TCF4: variants seen among roughly 807,000 people sequenced by gnomAD.
The protein encoded by TCF4 is SL3-3 enhancer factor 2.
A neutral mutation model predicts 82.1 loss-of-function variants in TCF4; 3 were observed. That is an observed-to-expected ratio of 0.04 (90% CI 0.02 to 0.09). TCF4 has a LOEUF of 0.09. Among genes scored for constraint, TCF4 ranks in the 10% least tolerant of loss-of-function variants. The pLI is 1.00. For synonymous variants in TCF4, 276 were observed against 309.6 expected (o/e 0.89, Z 1.14); for missense variants, 518 against 852.7 (o/e 0.61, Z 4.89).
intron 3 of TCF4, among the ~76,000 whole-genome samples, chr18:55,480,671 C>T (rs1408864018): frequency 6.6e-6 from 1 of 152,172 alleles, no homozygotes; most frequent in Non-Finnish European, 1.5e-5. Context: ...GCCCTGTTCC[C>T]GGTCTCTTTA....
rs187046043 is a variant in TCF4 at position 55,561,650 on chromosome 18, T to A, written c.145+23630A>T. ...AAATGTATTTCACATACATGACATG[T>A]TTCTCATAACAATCTTCCTCTACTT... is the stretch of plus-strand genomic sequence containing the variant. On this transcript the variant is annotated intron_variant, in intron 3 of 19. Transcript: ENST00000354452. 3.3e-5 allele frequency among the ~76,000 whole-genome samples: 5 copies of A among 152,346 alleles called. No homozygotes were observed. The East Asian group carries it at 9.6e-4, about 29-fold the overall frequency.
At chr18:55,315,622 T>C (rs1036309374) in intron 8 of TCF4, among the ~76,000 whole-genome samples, 1 of 152,076 alleles carries the variant, frequency 6.6e-6, no homozygotes, top group Admixed American at 6.6e-5. Flanking sequence ...TAAGTATTCT[T>C]CAGAAGAAAA....
chr18:55,276,898 T>C (rs1379071614), intron 9 of TCF4, among the ~76,000 whole-genome samples: 1 of 152,194 alleles, frequency 6.6e-6, no homozygotes, highest in Non-Finnish European at 1.5e-5. Flanking sequence ...AGTTAGAATT[T>C]TGTAACTGGA....
rs1018175436 is a variant in TCF4 at position 55,303,236 on chromosome 18, C to T, written c.550-23580G>A. 1.5e-3 allele frequency among the ~76,000 whole-genome samples: 224 copies of T among 148,542 alleles called. 3 individuals carry two copies. The highest frequency in any genetic ancestry group is 5.1e-3 in the African/African-American group (203 of 40,164). On this transcript the variant is annotated intron_variant, in intron 8 of 19. Coordinates refer to ENST00000354452, the MANE Select transcript of TCF4 (RefSeq NM_001083962.2). ...CTGGCTCCCAGTACGTACACACACA[C>T]ACACACACACACACACACACACACA...
At chr18:55,554,231 G>C (rs546969099) in intron 3 of TCF4, among the ~76,000 whole-genome samples, 2 of 152,078 alleles carry the variant, frequency 1.3e-5, no homozygotes, top group South Asian at 2.1e-4. Context: ...AACTATCTCA[G>C]TAAAATTTAG....
chr18:55,591,214 TTCTCA>T (rs1338915483), upstream of TCF4: 5 of 152,256 alleles, frequency 3.3e-5, no homozygotes, highest in Admixed American at 3.3e-4. Flanking sequence ...CCATTCGGTG[TTCTCA>T]TCTCAAAATA....
intron 3 of TCF4, among the ~76,000 whole-genome samples, chr18:55,549,931 T>A (rs1308643567): frequency 1.3e-5 from 2 of 152,208 alleles, no homozygotes; most frequent in Non-Finnish European, 2.9e-5. Flanking sequence ...AAGAACTATA[T>A]ACAGATAATA....
chr18:55,346,170 A>T (rs1310652280), intron 8 of TCF4, among the ~76,000 whole-genome samples: 1 of 152,116 alleles, frequency 6.6e-6, no homozygotes, highest in East Asian at 1.9e-4. Context: ...ACCCCTAATA[A>T]TTGCTTCTGT....
At chr18:55,576,441 CA>C (rs1284696737) in intron 3 of TCF4, among the ~76,000 whole-genome samples, 1 of 152,170 alleles carries the variant, frequency 6.6e-6, no homozygotes, top group African/African-American at 2.4e-5. Context: ...AAATAAACGG[CA>C]ACCAAGACAG....
chr18:55,420,793 G>A (rs2094710989), intron 5 of TCF4, among the ~76,000 whole-genome samples: 1 of 151,416 alleles, frequency 6.6e-6, no homozygotes, highest in Admixed American at 6.6e-5. Context: ...ATTAGATGTG[G>A]TTTTGACAAT....
chr18:55,405,090 T>C (rs962449559), intron 5 of TCF4, among the ~76,000 whole-genome samples: 12 of 152,216 alleles, frequency 7.9e-5, no homozygotes, highest in African/African-American at 2.4e-4. Flanking sequence ...AAAAGATAAA[T>C]TTATACTTGT....
intron 2 of TCF4, among the ~76,000 whole-genome samples, chr18:55,619,587 A>G (rs544319246): frequency 6.6e-6 from 1 of 152,310 alleles, no homozygotes; most frequent in African/African-American, 2.4e-5. Context: ...TATCCCTTCT[A>G]TGTCTTTGCC....
chr18:55,387,028 G>A (rs1457580078), intron 6 of TCF4, among the ~76,000 whole-genome samples: 1 of 152,214 alleles, frequency 6.6e-6, no homozygotes, highest in Non-Finnish European at 1.5e-5. Flanking sequence ...TTTCTAGAGA[G>A]GAGGAAGTTA....
intron 6 of TCF4, among the ~76,000 whole-genome samples, chr18:55,390,820 A>G (rs2093022065): frequency 6.6e-6 from 1 of 152,240 alleles, no homozygotes; most frequent in Admixed American, 6.5e-5. Context: ...GGACATTAAG[A>G]ACATGTTCTT....
chr18:55,374,871 TA>T (rs5825137), intron 6 of TCF4, among the ~76,000 whole-genome samples: 7,510 of 67,078 alleles, frequency 0.11, 297 homozygotes, highest in African/African-American at 0.24. Flanking sequence ...AGGCCCTGTC[TA>T]AAAAAAAAAA....
chr18:55,251,680 G>T (rs1016580110), intron 15 of TCF4, among the ~76,000 whole-genome samples: 4 of 152,148 alleles, frequency 2.6e-5, no homozygotes, highest in Non-Finnish European at 5.9e-5. Flanking sequence ...ATACAAAACC[G>T]GGACTGGGAT....
intron 8 of TCF4, among the ~76,000 whole-genome samples, chr18:55,280,057 TA>T (rs2062244671): frequency 6.6e-6 from 1 of 151,634 alleles, no homozygotes; most frequent in Non-Finnish European, 1.5e-5. Flanking sequence ...AATGGTAGAG[TA>T]AAAACTCTAC....
chr18:55,358,438 A>G (rs2084166921), intron 6 of TCF4, among the ~76,000 whole-genome samples: 2 of 152,368 alleles, frequency 1.3e-5, no homozygotes, highest in South Asian at 4.1e-4. Context: ...GAGCAGCAGC[A>G]GCTACAAGTC....
chr18:55,518,382 A>C (rs1043563255), intron 3 of TCF4, among the ~76,000 whole-genome samples: 2 of 152,210 alleles, frequency 1.3e-5, no homozygotes, highest in Non-Finnish European at 2.9e-5. Flanking sequence ...ATAGAAACAA[A>C]AATGAAAAAA....
Sources: gnomAD v4.1 joint callset for allele counts (sites outside exome capture counted in the v4.1 genomes callset) on GRCh38, gnomAD v4.1.1 for gene constraint, MANE v1.5 for transcripts, NCBI Gene and HGNC (gene_info 2026-07-23, HGNC 2026-07-21) for gene names.